The following NTRK3 variants were observed in gnomAD, a reference collection of about 807,000 sequenced individuals.
NTRK3 encodes neurotrophic receptor tyrosine kinase 3, also known as NT-3 growth factor receptor.
NTRK3 carries 24 observed loss-of-function variants against 91.7 expected under a neutral mutation model. The ratio of observed to expected loss-of-function variants is 0.26; its 90% CI spans 0.19 to 0.37. The LOEUF is 0.37. NTRK3 is among the 10% of genes least tolerant of loss of function. NTRK3 has a pLI of 1.00. For synonymous variants in NTRK3, 483 were observed against 404.0 expected (o/e 1.20, Z -2.34); for missense variants, 880 against 1,068.9 (o/e 0.82, Z 2.46).
At chr15:88,004,828 T>C (rs552313831) in intron 14 of NTRK3, among the ~76,000 whole-genome samples, 30 of 152,208 alleles carry the variant, frequency 2.0e-4, no homozygotes, top group African/African-American at 6.3e-4. Flanking sequence ...AGGGGAAGGA[T>C]TGGCTCAAGT....
At chr15:88,168,331 C>G (rs1033813793) in intron 5 of NTRK3, among the ~76,000 whole-genome samples, 8 of 151,504 alleles carry the variant, frequency 5.3e-5, no homozygotes, top group Non-Finnish European at 1.2e-4. Flanking sequence ...GAGGTCTGCA[C>G]CAATGAGGGA....
intron 13 of NTRK3, among the ~76,000 whole-genome samples, chr15:88,061,321 G>A (rs1023768683): frequency 6.6e-6 from 1 of 152,206 alleles, no homozygotes; most frequent in African/African-American, 2.4e-5. Flanking sequence ...CCATCAAATG[G>A]AGCTCCGAGG....
At chr15:88,154,709 G>T in intron 5 of NTRK3, among the ~76,000 whole-genome samples, 1 of 152,152 alleles carries the variant, frequency 6.6e-6, no homozygotes, top group Non-Finnish European at 1.5e-5. Flanking sequence ...GGCTCTACCA[G>T]GGTTTCCCAG....
intron 5 of NTRK3, among the ~76,000 whole-genome samples, chr15:88,149,721 C>T (rs549082384): frequency 6.6e-5 from 10 of 152,344 alleles, no homozygotes; most frequent in African/African-American, 1.9e-4. Flanking sequence ...AGCTGGAGAC[C>T]AGACACACAC....
intron 14 of NTRK3, among the ~76,000 whole-genome samples, chr15:88,013,053 G>A (rs571773586): frequency 3.4e-5 from 5 of 146,616 alleles, no homozygotes; most frequent in South Asian, 2.3e-4. Context: ...AGCTGAAACC[G>A]TGCACTGGTA....
intron 5 of NTRK3, among the ~76,000 whole-genome samples, chr15:88,155,721 A>C (rs1225196621): frequency 6.6e-6 from 1 of 152,248 alleles, no homozygotes; most frequent in Non-Finnish European, 1.5e-5. Context: ...TCACATGTTA[A>C]AGAGTGAAAA....
At chr15:87,893,281 A>G (rs1440163982) in intron 17 of NTRK3, among the ~76,000 whole-genome samples, 2 of 152,276 alleles carry the variant, frequency 1.3e-5, no homozygotes, top group South Asian at 2.1e-4. Context: ...CAGCCCTGGG[A>G]TGCCTAGCTG....
chr15:88,256,013 C>T lies in NTRK3; in HGVS notation c.141G>A (p.Arg47=), dbSNP rs144377346. 319 of 1,613,670 alleles carry T rather than the reference C, an allele frequency of 2.0e-4. No individual in the cohort carries two copies. The African/African-American group carries it at 3.9e-3, about 20-fold the overall frequency. Residue 47 remains arginine (R), a synonymous_variant, in exon 3 of 19, where the codon CGG becomes CGA. Coordinates refer to ENST00000394480, the Ensembl canonical transcript of NTRK3. ...GGGGGAAGAGGTTCCCATCGTCCGG[C>T]CGCCGGCAATTGATCTCAGTCTTGC...
At chr15:87,936,358 C>T (rs1026767511) in intron 15 of NTRK3, among the ~76,000 whole-genome samples, 2 of 152,100 alleles carry the variant, frequency 1.3e-5, no homozygotes, top group Admixed American at 1.3e-4. Context: ...TTATCTTCCC[C>T]TCTACGTGCA....
intron 3 of NTRK3, among the ~76,000 whole-genome samples, chr15:88,206,294 C>G (rs1031711304): frequency 2.8e-5 from 4 of 145,174 alleles, no homozygotes; most frequent in African/African-American, 5.1e-5. Flanking sequence ...TGCAGTGAGC[C>G]GAGATCGCGC....
At chr15:87,939,091 A>T (rs2069561203) in intron 15 of NTRK3, among the ~76,000 whole-genome samples, 1 of 152,172 alleles carries the variant, frequency 6.6e-6, no homozygotes, top group East Asian at 1.9e-4. Context: ...GGAGAGTTAT[A>T]AGGCCCTCAA....
chr15:87,872,686 A>G (rs1046570924), exon 19 of NTRK3: 3 of 232,744 alleles, frequency 1.3e-5, no homozygotes, highest in Non-Finnish European at 8.5e-6. Context: ...GGCTCCCTGT[A>G]CAATATTCCT....
chr15:88,147,460 C>T (rs931355063), intron 5 of NTRK3, 57 bp from the exon 6 acceptor site: 3 of 1,413,106 alleles, frequency 2.1e-6, no homozygotes, highest in Non-Finnish European at 3.0e-6. Flanking sequence ...AAATAATGCT[C>T]TAGGTAGTAA....
At chr15:87,921,730 T>C (rs1206214559) in intron 17 of NTRK3, among the ~76,000 whole-genome samples, 1 of 152,146 alleles carries the variant, frequency 6.6e-6, no homozygotes, top group Non-Finnish European at 1.5e-5. Flanking sequence ...CCACAACCCC[T>C]TCCCTTTTCT....
rs1567514550 is a variant in NTRK3 at position 88,142,099 on chromosome 15, C to CAAGAGAGGATTCAAATGGTGAGGT, written c.465-4539_465-4538insACCTCACCATTTGAATCCTCTCTT. On this transcript the variant is annotated intron_variant, in intron 6 of 18. Transcript: ENST00000394480. ...GCAAATCCACAATCGTCTTTATATC[C>CAAGAGAGGATTCAAATGGTGAGGT]GGACAAGAGAGGATTCAAATGGTGA... is the stretch of plus-strand genomic sequence containing the variant. Among the ~76,000 whole-genome samples the CAAGAGAGGATTCAAATGGTGAGGT allele has an allele frequency of 1.2e-3, 177 of 152,134 alleles. 1 individual carries two copies. The highest frequency in any genetic ancestry group is 3.9e-3 in the African/African-American group (162 of 41,508).
intron 14 of NTRK3, among the ~76,000 whole-genome samples, chr15:88,002,243 C>T (rs545303164): frequency 6.6e-4 from 94 of 143,476 alleles, no homozygotes; most frequent in Non-Finnish European, 1.1e-3. Flanking sequence ...TTCTCAACTC[C>T]TCAAGCTATA....
intron 3 of NTRK3, among the ~76,000 whole-genome samples, chr15:88,239,746 C>A (rs1454467718): frequency 1.3e-5 from 2 of 152,136 alleles, no homozygotes; most frequent in Non-Finnish European, 2.9e-5. Context: ...TGGAAGGATG[C>A]AGGCTTTTTG....
intron 6 of NTRK3, among the ~76,000 whole-genome samples, chr15:88,144,452 T>C (rs964632647): frequency 2.0e-5 from 3 of 152,078 alleles, no homozygotes; most frequent in Admixed American, 1.3e-4. Context: ...GTAACTTGTT[T>C]GTTTTTTTTT....
chr15:88,232,175 G>A (rs113356390), intron 3 of NTRK3, among the ~76,000 whole-genome samples: 1 of 151,804 alleles, frequency 6.6e-6, no homozygotes, highest in Non-Finnish European at 1.5e-5. Context: ...GAAATGTCCT[G>A]CCTCACCTCC....
Sources: allele counts gnomAD v4.1 joint callset (sites outside exome capture counted in the v4.1 genomes callset), GRCh38; gene constraint gnomAD v4.1.1; transcripts MANE v1.5; gene names NCBI Gene and HGNC (gene_info 2026-07-23, HGNC 2026-07-21).